The following QTMAN variants were observed in gnomAD, a reference collection of about 807,000 sequenced individuals.
QTMAN encodes the protein tRNA-queuosine alpha-mannosyltransferase.
At chr2:144,082,154 C>G in the QTMAN span, among the ~76,000 whole-genome samples, 7 of 152,196 alleles carry the variant, frequency 4.6e-5, no homozygotes, top group Admixed American at 2.0e-4. Flanking sequence ...GCCTTGGCCT[C>G]CCAAAATGCT....
At chr2:144,047,899 G>A in the QTMAN span, among the ~76,000 whole-genome samples, 2 of 152,188 alleles carry the variant, frequency 1.3e-5, no homozygotes, top group Non-Finnish European at 2.9e-5. Flanking sequence ...ATTGTAACTT[G>A]CAAAAAGTTA....
the QTMAN span, among the ~76,000 whole-genome samples, chr2:144,170,654 A>T: frequency 2.0e-5 from 3 of 152,058 alleles, no homozygotes; most frequent in Non-Finnish European, 4.4e-5. Flanking sequence ...GTTGTGTGTT[A>T]CCCAAACCTC....
At chr2:144,271,398 T>C in the QTMAN span, among the ~76,000 whole-genome samples, 3 of 152,222 alleles carry the variant, frequency 2.0e-5, no homozygotes, top group African/African-American at 4.8e-5. Context: ...GCTTCTGATA[T>C]TCTTTCACCA....
the QTMAN span, among the ~76,000 whole-genome samples, chr2:144,302,647 G>A: frequency 2.0e-5 from 3 of 152,136 alleles, no homozygotes; most frequent in Non-Finnish European, 2.9e-5. Flanking sequence ...TCAACTATGC[G>A]CCAACTTCTA....
chr2:144,075,705 T>A, the QTMAN span, among the ~76,000 whole-genome samples: 1 of 152,196 alleles, frequency 6.6e-6, no homozygotes, highest in African/African-American at 2.4e-5. Context: ...CCAAAACTGT[T>A]GATGTGTTTT....
the QTMAN span, among the ~76,000 whole-genome samples, chr2:144,126,990 C>G: frequency 6.6e-6 from 1 of 152,054 alleles, no homozygotes; most frequent in Admixed American, 6.6e-5. Flanking sequence ...ACAAATACAT[C>G]TAAGACATAC....
At chr2:144,067,537 T>C in the QTMAN span, among the ~76,000 whole-genome samples, 6 of 151,794 alleles carry the variant, frequency 4.0e-5, no homozygotes, top group African/African-American at 1.5e-4. Context: ...CAATTAAGAG[T>C]TGTTTGGAGG....
At chr2:144,159,316 T>A in the QTMAN span, among the ~76,000 whole-genome samples, 6 of 151,970 alleles carry the variant, frequency 3.9e-5, no homozygotes, top group Admixed American at 2.0e-4. Flanking sequence ...AGAAAAAAAA[T>A]AGTGTTAAAA....
At chr2:144,259,025 C>A in the QTMAN span, among the ~76,000 whole-genome samples, 3 of 152,108 alleles carry the variant, frequency 2.0e-5, no homozygotes. Flanking sequence ...CACAGGTACC[C>A]CAAAGAAACA....
chr2:144,256,645 A>G, the QTMAN span, among the ~76,000 whole-genome samples: 11 of 152,166 alleles, frequency 7.2e-5, no homozygotes, highest in Admixed American at 7.2e-4. Flanking sequence ...GTGGGAGTTG[A>G]ACAAAAAGAA....
chr2:143,998,404 T>C, the QTMAN span, among the ~76,000 whole-genome samples: 2 of 151,624 alleles, frequency 1.3e-5, no homozygotes, highest in African/African-American at 4.8e-5. Context: ...AAATAGCTAA[T>C]GAGTTGCATA....
the QTMAN span, among the ~76,000 whole-genome samples, chr2:144,188,083 C>A: frequency 1.3e-5 from 2 of 151,554 alleles, no homozygotes; most frequent in Non-Finnish European, 2.9e-5. Flanking sequence ...GGGAGTGTGG[C>A]CCTGCTGGCC....
chr2:144,136,887 T>G, the QTMAN span, among the ~76,000 whole-genome samples: 35 of 152,160 alleles, frequency 2.3e-4, no homozygotes, highest in African/African-American at 8.0e-4. Context: ...GTATTAATAT[T>G]ACAAAATCTG....
chr2:144,221,866 G>A, the QTMAN span, among the ~76,000 whole-genome samples: 1 of 152,148 alleles, frequency 6.6e-6, no homozygotes, highest in African/African-American at 2.4e-5. Context: ...GCTTGTTTAA[G>A]TAATATATGA....
the QTMAN span, among the ~76,000 whole-genome samples, chr2:144,121,350 G>C: frequency 6.6e-6 from 1 of 152,090 alleles, no homozygotes; most frequent in East Asian, 1.9e-4. Flanking sequence ...AAGACAAAGG[G>C]CCTTGATCCC....
At chr2:144,259,056 T>C in the QTMAN span, among the ~76,000 whole-genome samples, 1 of 152,178 alleles carries the variant, frequency 6.6e-6, no homozygotes, top group Non-Finnish European at 1.5e-5. Flanking sequence ...TTTCTGATCA[T>C]CCAGAGATAG....
At chr2:143,989,965 T>C in the QTMAN span, among the ~76,000 whole-genome samples, 2 of 152,156 alleles carry the variant, frequency 1.3e-5, no homozygotes, top group Admixed American at 6.5e-5. Context: ...ACCCTGTGTG[T>C]TGCAAATCTT....
chr2:144,279,362 C>A, the QTMAN span, among the ~76,000 whole-genome samples: 1 of 148,658 alleles, frequency 6.7e-6, no homozygotes, highest in Non-Finnish European at 1.5e-5. Flanking sequence ...TACTGCATCT[C>A]CTCACCGCAA....
chr2:144,058,759 C>A, the QTMAN span, among the ~76,000 whole-genome samples: 1 of 152,282 alleles, frequency 6.6e-6, no homozygotes, highest in South Asian at 2.1e-4. Flanking sequence ...TTTCTCTGGA[C>A]TTTTTTATCC....
Sources: allele counts gnomAD v4.1 joint callset (sites outside exome capture counted in the v4.1 genomes callset), GRCh38; gene constraint gnomAD v4.1.1; transcripts MANE v1.5; gene names NCBI Gene and HGNC (gene_info 2026-07-23, HGNC 2026-07-21).